Variants in EZH2 observed in about 807,000 individuals in gnomAD.
The protein encoded by EZH2 is histone-lysine N-methyltransferase EZH2.
EZH2 carries 18 observed loss-of-function variants against 98.4 expected under a neutral mutation model. The ratio of observed to expected loss-of-function variants is 0.18; its 90% CI spans 0.13 to 0.27. EZH2 has a LOEUF of 0.27. Among genes scored for constraint, EZH2 ranks in the 10% least tolerant of loss-of-function variants. The pLI, the probability that EZH2 is intolerant of heterozygous loss-of-function variation, is 1.00. For missense variants in EZH2, 470 were observed against 935.1 expected, an observed-to-expected ratio of 0.50 and a Z score of 6.49; for synonymous variants, 338 against 312.3, an observed-to-expected ratio of 1.08 and a Z score of -0.87.
intron 3 of EZH2, among the ~76,000 whole-genome samples, chr7:148,838,287 G>A (rs1162544166): frequency 1.3e-5 from 2 of 151,864 alleles, no homozygotes; most frequent in Non-Finnish European, 2.9e-5. Flanking sequence ...CAGGCTGGGA[G>A]GAAATTTAGA....
intron 3 of EZH2, among the ~76,000 whole-genome samples, chr7:148,837,738 G>A (rs374024160): frequency 2.0e-5 from 3 of 152,268 alleles, no homozygotes; most frequent in African/African-American, 7.2e-5. Flanking sequence ...CAGGAGAGAG[G>A]CAGAAACAAA....
chr7:148,819,552 G>A (rs778338392), intron 9 of EZH2, 44 bp downstream of exon 9: 2 of 1,527,352 alleles, frequency 1.3e-6, no homozygotes, highest in Non-Finnish European at 1.8e-6. Flanking sequence ...AAAGTGCAAA[G>A]TCCTCTCAAG....
intron 3 of EZH2, among the ~76,000 whole-genome samples, chr7:148,842,787 C>A (rs992294104): frequency 6.6e-6 from 1 of 151,844 alleles, no homozygotes; most frequent in African/African-American, 2.4e-5. Flanking sequence ...CATTAAGGGA[C>A]GGGTATGGTG....
At chr7:148,862,270 TA>T (rs1161932419) in intron 1 of EZH2, among the ~76,000 whole-genome samples, 1 of 152,220 alleles carries the variant, frequency 6.6e-6, no homozygotes, top group Non-Finnish European at 1.5e-5. Flanking sequence ...CACAATGTTA[TA>T]AATCATCATT....
intron 9 of EZH2, among the ~76,000 whole-genome samples, chr7:148,818,757 T>C (rs1303213696): frequency 2.0e-5 from 3 of 152,084 alleles, no homozygotes; most frequent in Non-Finnish European, 4.4e-5. Context: ...TGAAGTACAA[T>C]AATCCAGTCT....
chr7:148,839,108 A>AAGGAAG (rs1562998145), intron 3 of EZH2, among the ~76,000 whole-genome samples: 9 of 68,128 alleles, frequency 1.3e-4, no homozygotes, highest in African/African-American at 2.2e-4. Flanking sequence ...AAGGAAGGAA[A>AAGGAAG]GTGAGTGAGC....
At chr7:148,839,537 G>GC (rs1811880838) in intron 3 of EZH2, among the ~76,000 whole-genome samples, 1 of 144,618 alleles carries the variant, frequency 6.9e-6, no homozygotes. Context: ...TGGGGGGGGG[G>GC]CAATCTGCAA....
At chr7:148,833,887 G>A (rs1810125708) in intron 3 of EZH2, among the ~76,000 whole-genome samples, 1 of 152,130 alleles carries the variant, frequency 6.6e-6, no homozygotes, top group Non-Finnish European at 1.5e-5. Flanking sequence ...TGGAGCCCCT[G>A]CTCTTCCCGC....
rs2129475478 is a variant in EZH2 at position 148,826,468 on chromosome 7, C to T, written c.893G>A (p.Arg298His). 1.3e-6 allele frequency: 2 copies of T among 1,576,002 alleles called. No individual in the cohort carries two copies. The highest frequency in any genetic ancestry group is 1.7e-6 in the Non-Finnish European group (2 of 1,159,768). The change falls in exon 8 of 20, where the codon CGT (arginine) becomes CAT (histidine). Residue 298 changes from arginine to histidine, a missense_variant. Arg to His is a conservative substitution (Grantham distance 29). Coordinates refer to ENST00000320356, the MANE Select transcript of EZH2 (RefSeq NM_004456.5). ...TGAAAACGTACAATAATTGCACTTACGATGTAGGAAGCAGTCATATTTAAA... is the reference window on the plus strand; with the variant it reads ...TGAAAACGTACAATAATTGCACTTATGATGTAGGAAGCAGTCATATTTAAA... The part of the protein sequence containing the change: ...RCFKYDCFLH[R>H]KCNYSFHATP...
intron 13 of EZH2, 32 bp downstream of exon 13, chr7:148,815,474 G>A (rs1289550068): frequency 3.1e-6 from 5 of 1,598,872 alleles, no homozygotes; most frequent in South Asian, 1.1e-5. Flanking sequence ...ATATTGTTAA[G>A]CTAATAATGA....
chr7:148,823,735 C>T (rs897622183), intron 8 of EZH2, among the ~76,000 whole-genome samples: 1 of 151,646 alleles, frequency 6.6e-6, no homozygotes, highest in Non-Finnish European at 1.5e-5. Flanking sequence ...ACTGCAGCCT[C>T]AAACTTTTGG....
intron 12 of EZH2, among the ~76,000 whole-genome samples, chr7:148,816,375 G>A (rs3735219): frequency 0.2 from 30,444 of 152,152 alleles, 3,545 homozygotes; most frequent in African/African-American, 0.31. Flanking sequence ...ATTTCATGAT[G>A]TTAAAGTAAT....
intron 4 of EZH2, among the ~76,000 whole-genome samples, chr7:148,830,445 TTGA>T (rs1488132421): frequency 5.9e-5 from 9 of 152,258 alleles, no homozygotes; most frequent in Non-Finnish European, 1.2e-4. Context: ...CAAACTCCAC[TTGA>T]TGATCCAGTT....
chr7:148,824,893 A>G (rs1288434408), intron 8 of EZH2, among the ~76,000 whole-genome samples: 2 of 152,176 alleles, frequency 1.3e-5, no homozygotes, highest in Non-Finnish European at 1.5e-5. Context: ...ATGAAAGCCA[A>G]CTTTATTAAA....
chr7:148,828,876 A>G lies in EZH2; in HGVS notation c.489T>C (p.Cys163=). Residue 163 remains cysteine (C), a synonymous_variant, in exon 6 of 20, where the codon TGT becomes TGC. Coordinates refer to ENST00000320356, the MANE Select transcript of EZH2 (RefSeq NM_004456.5). ...CAAAAATTTCATCATTTATAAACCC[A>G]CATTCTGAAACGCATCAAATGTCAG... ...YDGKVHGDRE[C]GFINDEIFVE... is the part of the protein sequence containing the mutation. 1 of 1,605,970 alleles carries G rather than the reference A, an allele frequency of 6.2e-7. No homozygotes were observed. The highest frequency in any genetic ancestry group is 8.5e-7 in the Non-Finnish European group (1 of 1,175,664).
chr7:148,818,172 G>A, intron 9 of EZH2, 55 bp from the exon 10 acceptor site: 4 of 1,489,232 alleles, frequency 2.7e-6, no homozygotes, highest in African/African-American at 1.4e-5. Context: ...CATTTTGATG[G>A]AAGAGAAAAA....
At chr7:148,848,443 G>C (rs1310751883) in intron 1 of EZH2, among the ~76,000 whole-genome samples, 6 of 152,186 alleles carry the variant, frequency 3.9e-5, no homozygotes, top group East Asian at 1.9e-4. Flanking sequence ...TTTCTGGCTT[G>C]AGCAAATAAA....
intron 6 of EZH2, among the ~76,000 whole-genome samples, chr7:148,828,178 G>A (rs1343906912): frequency 6.6e-6 from 1 of 152,174 alleles, no homozygotes; most frequent in Non-Finnish European, 1.5e-5. Context: ...AGGATTAAGT[G>A]AGCTGGTGCA....
rs1051974515 is a variant in EZH2, at chr7:148,854,487, G to A, written c.-7-7182C>T. Among the ~76,000 whole-genome samples the A allele has an allele frequency of 4.6e-5, 7 of 150,934 alleles. No homozygotes were observed. The South Asian group carries it at 1.5e-3, about 32-fold the overall frequency. On this transcript the variant is annotated intron_variant, in intron 1 of 19. Transcript: ENST00000320356. ...CAAGGATTTGCTAAATCAAGGGAAT[G>A]ACCACCTATTTGGTCTGGCCAAATA... is the stretch of plus-strand genomic sequence containing the variant.
Sources: allele counts gnomAD v4.1 joint callset (sites outside exome capture counted in the v4.1 genomes callset), GRCh38; gene constraint gnomAD v4.1.1; transcripts MANE v1.5; gene names NCBI Gene and HGNC (gene_info 2026-07-23, HGNC 2026-07-21).